ATOSA: variants seen among roughly 807,000 people sequenced by gnomAD.
ATOSA encodes atos homolog protein A.
the ATOSA span, chr15:52,609,474 C>G: frequency 6.8e-6 from 11 of 1,613,652 alleles, 1 homozygote; most frequent in South Asian, 1.1e-4. Flanking sequence ...CTTGCCGCTC[C>G]TGGAGTAAAG....
chr15:52,654,177 T>C, the ATOSA span, among the ~76,000 whole-genome samples: 1 of 152,124 alleles, frequency 6.6e-6, no homozygotes, highest in Non-Finnish European at 1.5e-5. Flanking sequence ...TGATGTCATA[T>C]AAAAAGAGAA....
At chr15:52,702,981 A>G in the ATOSA span, among the ~76,000 whole-genome samples, 1 of 152,156 alleles carries the variant, frequency 6.6e-6, no homozygotes, top group Admixed American at 6.6e-5. Context: ...TTTATTTGCA[A>G]TAGTCTCAAA....
At chr15:52,688,951 G>A in the ATOSA span, among the ~76,000 whole-genome samples, 2 of 152,206 alleles carry the variant, frequency 1.3e-5, no homozygotes, top group African/African-American at 4.8e-5. Context: ...AACTCACTGT[G>A]TATTCAGAAA....
chr15:52,675,932 A>C, the ATOSA span, among the ~76,000 whole-genome samples: 2 of 152,188 alleles, frequency 1.3e-5, no homozygotes, highest in African/African-American at 4.8e-5. Context: ...AAGAAAAAAA[A>C]AGAGAGAAAA....
At chr15:52,613,612 T>C in the ATOSA span, 1 of 1,451,314 alleles carries the variant, frequency 6.9e-7, no homozygotes, top group Non-Finnish European at 9.4e-7. Flanking sequence ...AAAATAAAGG[T>C]GATGATGAAC....
At chr15:52,708,005 C>T in the ATOSA span, among the ~76,000 whole-genome samples, 1 of 152,148 alleles carries the variant, frequency 6.6e-6, no homozygotes, top group Non-Finnish European at 1.5e-5. Context: ...TTACCAGAGG[C>T]TGAAACCTCA....
chr15:52,630,247 G>C, the ATOSA span, among the ~76,000 whole-genome samples: 2 of 152,106 alleles, frequency 1.3e-5, no homozygotes, highest in Non-Finnish European at 2.9e-5. Flanking sequence ...GTTGTTGAAA[G>C]TTCAGAGTTA....
the ATOSA span, among the ~76,000 whole-genome samples, chr15:52,596,511 C>T: frequency 1.3e-5 from 2 of 152,166 alleles, no homozygotes; most frequent in African/African-American, 4.8e-5. Flanking sequence ...CAGATCTAAA[C>T]GTATGAGCTA....
the ATOSA span, among the ~76,000 whole-genome samples, chr15:52,633,556 G>T: frequency 2.5e-4 from 38 of 152,030 alleles, no homozygotes; most frequent in African/African-American, 8.9e-4. Context: ...AACAGTTAAA[G>T]CATTGAAGAG....
chr15:52,666,469 G>A, the ATOSA span, among the ~76,000 whole-genome samples: 16 of 152,242 alleles, frequency 1.1e-4, no homozygotes, highest in South Asian at 3.1e-3. Context: ...TGTATATAGG[G>A]AGTTCATGTA....
the ATOSA span, among the ~76,000 whole-genome samples, chr15:52,631,631 T>C: frequency 6.6e-6 from 1 of 152,218 alleles, no homozygotes; most frequent in African/African-American, 2.4e-5. Flanking sequence ...CATTTTTTAA[T>C]GTAAGAAACA....
the ATOSA span, among the ~76,000 whole-genome samples, chr15:52,652,447 T>C: frequency 3.9e-5 from 6 of 152,070 alleles, no homozygotes; most frequent in African/African-American, 1.4e-4. Context: ...AATGTATAAA[T>C]ACAAAAATTT....
the ATOSA span, among the ~76,000 whole-genome samples, chr15:52,598,156 T>C: frequency 2.0e-5 from 3 of 151,762 alleles, no homozygotes; most frequent in East Asian, 3.9e-4. Context: ...AACAAAAATA[T>C]ATATGTAGAT....
At chr15:52,662,724 C>G in the ATOSA span, among the ~76,000 whole-genome samples, 1 of 145,492 alleles carries the variant, frequency 6.9e-6, no homozygotes, top group East Asian at 2.0e-4. Context: ...GAGCTGAGAT[C>G]GAGCCACTGC....
chr15:52,600,641 C>A, the ATOSA span, among the ~76,000 whole-genome samples: 5 of 152,080 alleles, frequency 3.3e-5, no homozygotes, highest in African/African-American at 1.2e-4. Context: ...TAGAACATAT[C>A]ACATAGTGGC....
chr15:52,663,287 C>T, the ATOSA span, among the ~76,000 whole-genome samples: 1 of 152,180 alleles, frequency 6.6e-6, no homozygotes, highest in African/African-American at 2.4e-5. Flanking sequence ...AGTCCCAGAC[C>T]TAAATTAACT....
At chr15:52,612,388 G>A in the ATOSA span, among the ~76,000 whole-genome samples, 1 of 152,034 alleles carries the variant, frequency 6.6e-6, no homozygotes, top group Non-Finnish European at 1.5e-5. Flanking sequence ...CTCTGAGTTG[G>A]CCCAGCCTTG....
At chr15:52,619,030 T>C in the ATOSA span, among the ~76,000 whole-genome samples, 1 of 152,222 alleles carries the variant, frequency 6.6e-6, no homozygotes, top group Admixed American at 6.5e-5. Context: ...GAGATGATAC[T>C]AGTTATCTGT....
the ATOSA span, among the ~76,000 whole-genome samples, chr15:52,591,062 T>A: frequency 4.6e-5 from 7 of 152,342 alleles, no homozygotes; most frequent in African/African-American, 1.4e-4. Context: ...GGTGAAAGAT[T>A]AATGCTGTCT....
Sources: gnomAD v4.1 joint callset for allele counts (sites outside exome capture counted in the v4.1 genomes callset) on GRCh38, gnomAD v4.1.1 for gene constraint, MANE v1.5 for transcripts, NCBI Gene and HGNC (gene_info 2026-07-23, HGNC 2026-07-21) for gene names.